Variants in CLIP2 observed in about 807,000 individuals in gnomAD.
CLIP2 encodes the protein CAP-Gly domain containing linker protein 2, also known as CAP-Gly domain-containing linker protein 2.
A neutral mutation model predicts 111.7 loss-of-function variants in CLIP2; 41 were observed. That is an observed-to-expected ratio of 0.37 (90% CI 0.29 to 0.48). The LOEUF is 0.48. Ranked by LOEUF, CLIP2 falls within the 20% of genes least tolerant of loss-of-function variation. CLIP2 has a pLI of 0.99. For missense variants in CLIP2, 1,160 were observed against 1,422.1 expected (o/e 0.82, Z 2.96); for synonymous variants, 660 against 644.2 (o/e 1.02, Z -0.37).
chr7:74,339,911 G>C (rs1235326262), intron 3 of CLIP2, among the ~76,000 whole-genome samples: 1 of 151,510 alleles, frequency 6.6e-6, no homozygotes, highest in African/African-American at 2.4e-5. Context: ...AACATAGTGA[G>C]ACCCCATCTC....
At chr7:74,399,549 G>T (rs1395685728) in intron 14 of CLIP2, among the ~76,000 whole-genome samples, 2 of 126,756 alleles carry the variant, frequency 1.6e-5, no homozygotes, top group African/African-American at 2.8e-5. Flanking sequence ...TTTTGGGGGG[G>T]GGGGGGTGGG....
At chr7:74,346,306 C>T (rs1789794672) in intron 3 of CLIP2, among the ~76,000 whole-genome samples, 1 of 152,036 alleles carries the variant, frequency 6.6e-6, no homozygotes, top group South Asian at 2.1e-4. Context: ...TTTAAAAGAG[C>T]TAGTGGTAGG....
At chr7:74,334,960 C>T (rs1554731870) in intron 2 of CLIP2, among the ~76,000 whole-genome samples, 1 of 151,922 alleles carries the variant, frequency 6.6e-6, no homozygotes, top group Non-Finnish European at 1.5e-5. Context: ...TGCACTCCAG[C>T]CTGGGGACTC....
chr7:74,356,006 A>G (rs1480804846), intron 4 of CLIP2, among the ~76,000 whole-genome samples: 1 of 152,222 alleles, frequency 6.6e-6, no homozygotes, highest in Non-Finnish European at 1.5e-5. Context: ...GACCAGTCTC[A>G]GCTTTGCTGC....
At chr7:74,358,678 T>C (rs1790224262) in intron 6 of CLIP2, among the ~76,000 whole-genome samples, 1 of 151,972 alleles carries the variant, frequency 6.6e-6, no homozygotes, top group African/African-American at 2.4e-5. Flanking sequence ...CAAGTGATCC[T>C]CCCACCTCAG....
At chr7:74,356,653 C>G in intron 5 of CLIP2, 30 bp downstream of exon 5, 1 of 1,587,250 alleles carries the variant, frequency 6.3e-7, no homozygotes, top group East Asian at 2.3e-5. Context: ...AGGGGATTCT[C>G]TGGTGTGCGT....
In CLIP2 at chr7:74,369,842, G is replaced by A. The variant is rs12056120; in HGVS notation, c.1381-3090G>A. Among the ~76,000 whole-genome samples the A allele has an allele frequency of 0.029, 894 of 30,394 alleles. 114 individuals carry two copies. The East Asian group carries it at 0.45, about 15-fold the overall frequency. 19.9% of individuals were successfully genotyped at this position (30,394 alleles called of 152,430 possible). On this transcript the variant is annotated intron_variant, in intron 8 of 16. Coordinates refer to ENST00000223398, the MANE Select transcript of CLIP2 (RefSeq NM_003388.5). ...TGCACTCCAGCCTGAGTAACAGAGC[G>A]AGACTCTGCCTCAAAAAAAAAAAAA... is the stretch of plus-strand genomic sequence containing the variant.
intron 2 of CLIP2, among the ~76,000 whole-genome samples, chr7:74,325,839 CA>C (rs1789092178): frequency 2.0e-5 from 3 of 150,656 alleles, no homozygotes; most frequent in Admixed American, 6.6e-5. Context: ...CTCAAAACAA[CA>C]AAAAAAAGTT....
chr7:74,345,289 T>G (rs1789771918), intron 3 of CLIP2, among the ~76,000 whole-genome samples: 1 of 151,948 alleles, frequency 6.6e-6, no homozygotes, highest in African/African-American at 2.4e-5. Context: ...GAGTGGAGTA[T>G]AGTGGCGCGA....
In CLIP2 at chr7:74,331,400, G is replaced by A. The variant is rs148602553; in HGVS notation, c.122-7048G>A. On this transcript the variant is annotated intron_variant, in intron 2 of 16. Coordinates refer to ENST00000223398, the MANE Select transcript of CLIP2 (RefSeq NM_003388.5). The stretch of plus-strand genomic sequence containing the variant: ...GCCTCCTGAGATATGGAGGATGGTG[G>A]AGGAGCTTTGGCAAGAGCTGAGGAA... 2.0e-3 allele frequency among the ~76,000 whole-genome samples: 303 copies of A among 151,640 alleles called. 1 individual carries two copies. Among genetic ancestry groups the A allele is most frequent in the African/African-American group, 4.1e-3 (169 of 41,362 alleles).
At chr7:74,383,628 C>T (rs1554314304) in intron 11 of CLIP2, among the ~76,000 whole-genome samples, 1 of 152,162 alleles carries the variant, frequency 6.6e-6, no homozygotes, top group East Asian at 1.9e-4. Flanking sequence ...ACTTCAATGG[C>T]ATTTAGCGCA....
At chr7:74,389,035 C>T (rs1173690065) in intron 12 of CLIP2, 68 bp from the exon 13 acceptor site, 2 of 1,526,900 alleles carry the variant, frequency 1.3e-6, no homozygotes, top group African/African-American at 1.4e-5. Flanking sequence ...CAGGTCTTTG[C>T]CCTTGGGTGG....
intron 6 of CLIP2, among the ~76,000 whole-genome samples, chr7:74,358,053 T>G (rs1295301205): frequency 7.5e-6 from 1 of 134,048 alleles, no homozygotes; most frequent in Admixed American, 7.8e-5. Flanking sequence ...CTGCAAGGGT[T>G]TTTTTTTTTT....
At chr7:74,324,525 C>G (rs1554730448) in intron 2 of CLIP2, among the ~76,000 whole-genome samples, 1 of 152,052 alleles carries the variant, frequency 6.6e-6, no homozygotes, top group African/African-American at 2.4e-5. Flanking sequence ...GGGCCTCCAC[C>G]CTCAAAGCTG....
chr7:74,376,025 A>T lies in CLIP2; in HGVS notation c.1624A>T (p.Ile542Phe), dbSNP rs1554312733. ...TCCGGACCACCCAGACGCCGCCGAG[A>T]TCCTGCGGCTACGGGAGCGGCTGCT... ...PPPDHPDAAE[I>F]LRLRERLLSA... The change falls in exon 10 of 17, where the codon ATC (isoleucine) becomes TTC (phenylalanine). Residue 542 changes from isoleucine to phenylalanine, a missense_variant. Coordinates refer to ENST00000223398, the MANE Select transcript of CLIP2 (RefSeq NM_003388.5). The surrounding 1 kb of genome is among the most constrained non-coding windows in gnomAD (Gnocchi z 7.1). 1 of 1,613,016 alleles carries T rather than the reference A, an allele frequency of 6.2e-7. No individual in the cohort carries two copies. Among genetic ancestry groups the T allele is most frequent in the South Asian group, 1.1e-5 (1 of 91,046 alleles).
chr7:74,344,828 A>C (rs1421355230), intron 3 of CLIP2, among the ~76,000 whole-genome samples: 1 of 152,152 alleles, frequency 6.6e-6, no homozygotes, highest in African/African-American at 2.4e-5. Flanking sequence ...GGGGCTGAGA[A>C]AGCAGTCCCA....
chr7:74,389,158 G>T lies in CLIP2; in HGVS notation c.2619G>T (p.Glu873Asp), dbSNP rs1791203719. Residue 873 changes from glutamate (E) to aspartate (D), a missense_variant, in exon 13 of 17, where the codon GAG becomes GAT. Glu to Asp is a conservative substitution (Grantham distance 45). Around this residue, in one of 5 missense-constraint regions of CLIP2, gnomAD observed 676 missense variants for 777.8 expected, o/e 0.87. Coordinates refer to ENST00000223398, the MANE Select transcript of CLIP2 (RefSeq NM_003388.5). ...GEKKVDALLK[E>D]KRRLEAELET... ...AGAAGGTGGACGCCCTCCTGAAGGA[G>T]AAGCGGCGCCTGGAGGCAGAGCTGG... The T allele has an allele frequency of 6.2e-7, 1 of 1,613,808 alleles. No individual in the cohort carries two copies. Among genetic ancestry groups the T allele is most frequent in the East Asian group, 2.2e-5 (1 of 44,854 alleles).
chr7:74,338,773 C>T lies in CLIP2; in HGVS notation c.447C>T (p.Pro149=). 6.2e-7 allele frequency: 1 copy of T among 1,609,034 alleles called. No individual in the cohort carries two copies. Among genetic ancestry groups the T allele is most frequent in the Non-Finnish European group, 8.5e-7 (1 of 1,179,054 alleles). ...GGCCCTCCAAGCTGACCCGGCAGCC[C>T]ACGGCCGAGGGCTCGGGGAGTGATG... The part of the protein sequence containing the change: ...FTRPSKLTRQ[P]TAEGSGSDAH... The change falls in exon 3 of 17, where the codon CCC becomes CCT. Residue 149 remains proline, a synonymous_variant. Transcript: ENST00000223398. The surrounding 1 kb of genome is among the most constrained non-coding windows in gnomAD (Gnocchi z 4.3).
intron 1 of CLIP2, among the ~76,000 whole-genome samples, chr7:74,292,952 C>A (rs74940677): frequency 6.6e-6 from 1 of 152,198 alleles, no homozygotes; most frequent in Non-Finnish European, 1.5e-5. Flanking sequence ...AGTCCAAACA[C>A]GCTATCTAGC....
Sources: gnomAD v4.1 joint callset for allele counts (sites outside exome capture counted in the v4.1 genomes callset) on GRCh38, gnomAD v4.1.1 for gene constraint, gnomAD v4.1.1 regional missense constraint, Gnocchi (gnomAD v3.1) non-coding constraint, MANE v1.5 for transcripts, NCBI Gene and HGNC (gene_info 2026-07-23, HGNC 2026-07-21) for gene names.